FRMD4A: variants seen among roughly 807,000 people sequenced by gnomAD.
FRMD4A encodes FERM domain containing 4A.
Under a neutral mutation model 129.1 loss-of-function variants are expected in FRMD4A, and 29 were observed. The observed-to-expected ratio is 0.22, with a 90% CI of 0.17 to 0.31. The LOEUF (loss-of-function observed/expected upper bound fraction) is 0.31, where lower values mean the gene tolerates loss of function less well. Ranked by LOEUF, FRMD4A falls within the 10% of genes least tolerant of loss-of-function variation. The pLI, the probability that FRMD4A is intolerant of heterozygous loss-of-function variation, is 1.00. For synonymous variants in FRMD4A, 634 were observed against 571.6 expected (o/e 1.11, Z -1.56); for missense variants, 1,272 against 1,375.8 (o/e 0.92, Z 1.19).
chr10:13,744,276 G>A (rs1047533436), intron 9 of FRMD4A, among the ~76,000 whole-genome samples: 1 of 152,082 alleles, frequency 6.6e-6, no homozygotes, highest in African/African-American at 2.4e-5. Context: ...CAGAATCCAG[G>A]TCAGGGTCCT....
intron 2 of FRMD4A, among the ~76,000 whole-genome samples, chr10:13,996,755 C>T (rs2095624011): frequency 6.6e-6 from 1 of 152,188 alleles, no homozygotes; most frequent in Non-Finnish European, 1.5e-5. Context: ...TTTTCTTCTA[C>T]AAGAACTCCA....
At chr10:14,181,189 A>G (rs1014183861) in intron 2 of FRMD4A, among the ~76,000 whole-genome samples, 3 of 152,260 alleles carry the variant, frequency 2.0e-5, no homozygotes, top group African/African-American at 7.2e-5. Flanking sequence ...TTCAGCTGGA[A>G]ATGGTTCTCT....
chr10:14,070,134 A>G (rs1835251219), intron 2 of FRMD4A, among the ~76,000 whole-genome samples: 1 of 152,052 alleles, frequency 6.6e-6, no homozygotes, highest in South Asian at 2.1e-4. Flanking sequence ...CCACACTGTC[A>G]TATTGCCCCT....
chr10:13,940,435 A>C (rs533705144), intron 2 of FRMD4A, among the ~76,000 whole-genome samples: 10 of 152,276 alleles, frequency 6.6e-5, no homozygotes, highest in African/African-American at 2.4e-4. Flanking sequence ...TGTTGTGTTG[A>C]TTTCATACTC....
intron 2 of FRMD4A, among the ~76,000 whole-genome samples, chr10:13,904,951 C>T (rs1589227926): frequency 6.8e-6 from 1 of 146,166 alleles, no homozygotes; most frequent in South Asian, 2.2e-4. Context: ...GGAGATTGTG[C>T]CACTGCACTC....
intron 2 of FRMD4A, among the ~76,000 whole-genome samples, chr10:14,240,068 A>G (rs754443090): frequency 2.6e-5 from 4 of 152,208 alleles, no homozygotes; most frequent in Non-Finnish European, 5.9e-5. Flanking sequence ...TGGGCCGCCT[A>G]TTGATAATAG....
intron 2 of FRMD4A, among the ~76,000 whole-genome samples, chr10:13,936,222 G>T (rs2095247920): frequency 6.6e-6 from 1 of 152,188 alleles, no homozygotes; most frequent in African/African-American, 2.4e-5. Context: ...TTAGGGGAAA[G>T]TAAAGAGCTT....
chr10:14,177,885 G>T (rs779802228), intron 2 of FRMD4A, among the ~76,000 whole-genome samples: 45 of 152,156 alleles, frequency 3.0e-4, no homozygotes, highest in Non-Finnish European at 6.2e-4. Flanking sequence ...GGTCTGAGAG[G>T]TCCTTGACGA....
intron 3 of FRMD4A, among the ~76,000 whole-genome samples, chr10:13,855,448 C>A (rs2094200174): frequency 6.6e-6 from 1 of 152,078 alleles, no homozygotes; most frequent in Non-Finnish European, 1.5e-5. Context: ...CAGTCAGCCA[C>A]CCTCATGCAC....
intron 3 of FRMD4A, among the ~76,000 whole-genome samples, chr10:13,811,850 C>T (rs1168239618): frequency 6.6e-6 from 1 of 151,736 alleles, no homozygotes; most frequent in African/African-American, 2.4e-5. Context: ...AGCACACTCA[C>T]CAGATATTAG....
At chr10:14,210,596 G>A (rs952995342) in intron 2 of FRMD4A, among the ~76,000 whole-genome samples, 4 of 152,218 alleles carry the variant, frequency 2.6e-5, no homozygotes, top group African/African-American at 9.6e-5. Flanking sequence ...GTGCCAGCCA[G>A]GAGTAGGTGC....
chr10:13,761,582 T>G, intron 8 of FRMD4A, 65 bp downstream of exon 8: 1 of 1,147,524 alleles, frequency 8.7e-7, no homozygotes, highest in Admixed American at 2.0e-5. Context: ...TCCTGATTAG[T>G]TTCTTTTAAT....
intron 2 of FRMD4A, among the ~76,000 whole-genome samples, chr10:13,878,802 GA>G (rs1403424782): frequency 2.2e-4 from 27 of 123,890 alleles, no homozygotes; most frequent in South Asian, 1.2e-3. Flanking sequence ...GAGAGAAGGA[GA>G]GAAAGAGAGA....
At chr10:14,001,594 A>G (rs1176220090) in intron 2 of FRMD4A, among the ~76,000 whole-genome samples, 1 of 152,248 alleles carries the variant, frequency 6.6e-6, no homozygotes, top group Non-Finnish European at 1.5e-5. Context: ...TTAACATGAC[A>G]TAAGCTGCTA....
chr10:14,198,166 T>A (rs1842525821), intron 2 of FRMD4A, among the ~76,000 whole-genome samples: 1 of 151,976 alleles, frequency 6.6e-6, no homozygotes, highest in Admixed American at 6.6e-5. Flanking sequence ...CAGTGGGGAG[T>A]AGCTGCTCGG....
rs148843241 is a variant in FRMD4A at position 14,094,075 on chromosome 10, C to G, written c.46-235163G>C. Among the ~76,000 whole-genome samples the G allele has an allele frequency of 1.3e-3, 203 of 152,368 alleles. 1 individual carries two copies. The highest frequency in any genetic ancestry group is 4.6e-3 in the African/African-American group (190 of 41,590). Reference sequence around the variant, plus strand: ...TGAAATTCGACCCATCAGAGCAGAACACATTAACAAAGCCCCTGCCCGGGG... The same window carrying G: ...TGAAATTCGACCCATCAGAGCAGAAGACATTAACAAAGCCCCTGCCCGGGG... On this transcript the variant is annotated intron_variant, in intron 2 of 24. Transcript: ENST00000357447.
At position 14,056,740 on chromosome 10, in the gene FRMD4A, C is replaced by T. The variant is rs544486111; in HGVS notation, c.46-197828G>A. On this transcript the variant is annotated intron_variant, in intron 2 of 24. Coordinates refer to ENST00000357447, the MANE Select transcript of FRMD4A (RefSeq NM_018027.5). Reference sequence around the variant, plus strand: ...TATGGAGACCTCTCACCATCTGCCGCGGCTCTTTCATGTGCAAATAGTCAG... The same window carrying T: ...TATGGAGACCTCTCACCATCTGCCGTGGCTCTTTCATGTGCAAATAGTCAG... 5.9e-5 allele frequency among the ~76,000 whole-genome samples: 9 copies of T among 152,308 alleles called. No individual in the cohort carries two copies. In the East Asian group the frequency reaches 7.7e-4, roughly 13 times the overall value.
At chr10:14,311,657 C>T (rs1282763512) in intron 2 of FRMD4A, among the ~76,000 whole-genome samples, 9 of 144,118 alleles carry the variant, frequency 6.2e-5, no homozygotes, top group Non-Finnish European at 3.0e-5. Context: ...TACTCAGTTC[C>T]AGGTGGTCAT....
At chr10:13,763,010 A>T (rs4748055) in intron 6 of FRMD4A, among the ~76,000 whole-genome samples, 1 of 151,932 alleles carries the variant, frequency 6.6e-6, no homozygotes, top group Non-Finnish European at 1.5e-5. Context: ...AAAAAGCCTT[A>T]TTTTCTGAGG....
Sources: gnomAD v4.1 joint callset for allele counts (sites outside exome capture counted in the v4.1 genomes callset) on GRCh38, gnomAD v4.1.1 for gene constraint, MANE v1.5 for transcripts, NCBI Gene and HGNC (gene_info 2026-07-23, HGNC 2026-07-21) for gene names.